The following SPOCK3 variants were observed in gnomAD, a reference collection of about 807,000 sequenced individuals.
SPOCK3 encodes testican-3.
Under a neutral mutation model 56.6 loss-of-function variants are expected in SPOCK3, and 30 were observed. The ratio of observed to expected loss-of-function variants is 0.53; its 90% CI spans 0.40 to 0.72. The LOEUF (loss-of-function observed/expected upper bound fraction) is 0.72, where lower values mean the gene tolerates loss of function less well. Ranked by LOEUF, SPOCK3 falls within the 30% of genes least tolerant of loss-of-function variation. The pLI is 0.00. For synonymous variants in SPOCK3, 196 were observed against 183.3 expected (o/e 1.07, Z -0.56); for missense variants, 527 against 530.0 (o/e 0.99, Z 0.06).
chr4:167,080,346 A>T (rs1464968622), intron 2 of SPOCK3, among the ~76,000 whole-genome samples: 1 of 152,070 alleles, frequency 6.6e-6, no homozygotes, highest in Non-Finnish European at 1.5e-5. Context: ...TTGTCCCAAC[A>T]ATTAGTTATT....
rs541829924 is a variant in SPOCK3 at position 166,756,158 on chromosome 4, C to T, written c.710-1429G>A. ...CCTGGAAAATCAGGTCACTCCCACC[C>T]GAATATTGCGCTTTTCAGACCGGCT... On this transcript the variant is annotated intron_variant, in intron 7 of 10. Transcript: ENST00000357545. 6.7e-5 allele frequency among the ~76,000 whole-genome samples: 2 copies of T among 29,960 alleles called. 1 individual carries two copies. The highest frequency in any genetic ancestry group is 2.9e-4 in the African/African-American group (2 of 7,000). 19.7% of individuals were successfully genotyped at this position (29,960 alleles called of 152,430 possible).
At chr4:167,156,809 A>C (rs114917708) in intron 2 of SPOCK3, among the ~76,000 whole-genome samples, 30 of 152,212 alleles carry the variant, frequency 2.0e-4, no homozygotes, top group Non-Finnish European at 4.0e-4. Flanking sequence ...CTGAAAATGG[A>C]ATTATTAAGA....
At chr4:167,020,456 T>A (rs763781198) in intron 3 of SPOCK3, among the ~76,000 whole-genome samples, 67 of 152,090 alleles carry the variant, frequency 4.4e-4, no homozygotes, top group Non-Finnish European at 9.0e-4. Context: ...ATGGAGTCTT[T>A]GGAGCAGTTA....
At chr4:166,912,996 G>A (rs1737444130) in intron 4 of SPOCK3, among the ~76,000 whole-genome samples, 2 of 152,046 alleles carry the variant, frequency 1.3e-5, no homozygotes, top group South Asian at 4.1e-4. Flanking sequence ...ATAAATGATA[G>A]CTGTATTTCT....
intron 3 of SPOCK3, among the ~76,000 whole-genome samples, chr4:167,003,053 C>T (rs1417499189): frequency 2.7e-5 from 4 of 146,306 alleles, no homozygotes; most frequent in Admixed American, 7.0e-5. Context: ...AATCTAGTTA[C>T]GATTCCAATG....
At chr4:167,060,906 A>C (rs1195179158) in intron 3 of SPOCK3, among the ~76,000 whole-genome samples, 1 of 152,080 alleles carries the variant, frequency 6.6e-6, no homozygotes, top group African/African-American at 2.4e-5. Context: ...ATAACAACTA[A>C]ATTAAGTAAT....
At chr4:166,908,272 T>TCTCACACACA (rs373303538) in intron 5 of SPOCK3, among the ~76,000 whole-genome samples, 9 of 138,550 alleles carry the variant, frequency 6.5e-5, no homozygotes, top group African/African-American at 2.2e-4. Context: ...ATGTTATTGT[T>TCTCACACACA]CACACACACA....
intron 6 of SPOCK3, among the ~76,000 whole-genome samples, chr4:166,864,596 G>A (rs193230946): frequency 4.0e-5 from 6 of 151,896 alleles, no homozygotes; most frequent in African/African-American, 1.4e-4. Flanking sequence ...ATGATAAAGG[G>A]GAGATCACCA....
At chr4:166,883,695 A>C (rs1034469463) in intron 6 of SPOCK3, among the ~76,000 whole-genome samples, 4 of 152,218 alleles carry the variant, frequency 2.6e-5, no homozygotes, top group Admixed American at 2.6e-4. Context: ...TCAAGGGCCA[A>C]GGTTTGAAAC....
At chr4:167,218,713 C>T (rs1580663265) in intron 2 of SPOCK3, among the ~76,000 whole-genome samples, 1 of 152,068 alleles carries the variant, frequency 6.6e-6, no homozygotes, top group Admixed American at 6.6e-5. Flanking sequence ...CCATAGACCA[C>T]CTTCCCATTT....
chr4:167,073,622 C>G (rs564089995), intron 2 of SPOCK3, among the ~76,000 whole-genome samples: 2 of 151,898 alleles, frequency 1.3e-5, no homozygotes, highest in African/African-American at 4.8e-5. Context: ...CCTGTGAATA[C>G]CTTCTTTGAA....
chr4:166,771,082 A>G (rs1215592494), intron 7 of SPOCK3, among the ~76,000 whole-genome samples: 1 of 149,592 alleles, frequency 6.7e-6, no homozygotes, highest in African/African-American at 2.4e-5. Context: ...TTTGTATTGT[A>G]TTATATAGTG....
intron 2 of SPOCK3, among the ~76,000 whole-genome samples, chr4:167,177,788 G>T (rs961067408): frequency 6.6e-6 from 1 of 151,968 alleles, no homozygotes; most frequent in African/African-American, 2.4e-5. Flanking sequence ...CTTTACACAG[G>T]TCCAGAATCA....
intron 3 of SPOCK3, among the ~76,000 whole-genome samples, chr4:167,029,536 T>C (rs1752062131): frequency 6.6e-6 from 1 of 152,092 alleles, no homozygotes; most frequent in South Asian, 2.1e-4. Flanking sequence ...GCTTTAAGAT[T>C]ATAATTTAAC....
chr4:166,839,095 A>C (rs1421620347), intron 6 of SPOCK3, among the ~76,000 whole-genome samples: 3 of 152,096 alleles, frequency 2.0e-5, no homozygotes. Flanking sequence ...TGAAACCTAG[A>C]CATTTGGGGT....
At chr4:166,748,033 T>C (rs1387688097) in intron 8 of SPOCK3, among the ~76,000 whole-genome samples, 1 of 152,076 alleles carries the variant, frequency 6.6e-6, no homozygotes, top group Non-Finnish European at 1.5e-5. Flanking sequence ...ATAGGAAGAA[T>C]CAATACCATG....
intron 2 of SPOCK3, among the ~76,000 whole-genome samples, chr4:167,142,902 G>GCAACAAAACAAC (rs1158210329): frequency 1.3e-5 from 2 of 151,870 alleles, no homozygotes; most frequent in Non-Finnish European, 2.9e-5. Flanking sequence ...ACGTGTGGAT[G>GCAACAAAACAAC]CAACAAAACA....
intron 7 of SPOCK3, among the ~76,000 whole-genome samples, chr4:166,775,955 A>G (rs1201414802): frequency 6.6e-6 from 1 of 152,202 alleles, no homozygotes; most frequent in East Asian, 1.9e-4. Flanking sequence ...CAGGTGCTCT[A>G]GAACAGAGAA....
intron 2 of SPOCK3, among the ~76,000 whole-genome samples, chr4:167,137,207 T>C (rs899403994): frequency 2.6e-5 from 4 of 151,996 alleles, no homozygotes; most frequent in African/African-American, 9.7e-5. Context: ...CTCTGAAATA[T>C]CTTGAGGCGA....
Sources: gnomAD v4.1 joint callset for allele counts (sites outside exome capture counted in the v4.1 genomes callset) on GRCh38, gnomAD v4.1.1 for gene constraint, MANE v1.5 for transcripts, NCBI Gene and HGNC (gene_info 2026-07-23, HGNC 2026-07-21) for gene names.